Variants in DCUN1D4 observed in about 807,000 individuals in gnomAD.
The protein encoded by DCUN1D4 is DCN1-like protein 4.
A neutral mutation model predicts 47.9 loss-of-function variants in DCUN1D4; 22 were observed. That is an observed-to-expected ratio of 0.46 (90% CI 0.33 to 0.66). DCUN1D4 has a LOEUF of 0.66. Ranked by LOEUF, DCUN1D4 falls within the 30% of genes least tolerant of loss-of-function variation. The pLI is 0.02. For missense variants in DCUN1D4, 301 were observed against 340.8 expected (o/e 0.88, Z 0.92); for synonymous variants, 121 against 112.2 (o/e 1.08, Z -0.50).
At chr4:51,891,983 C>A in intron 7 of DCUN1D4, 132 bp downstream of exon 7, 1 of 672,772 alleles carries the variant, frequency 1.5e-6, no homozygotes, top group East Asian at 2.7e-5. Flanking sequence ...CCCCAGTGGC[C>A]AAAGATGTAA....
intron 4 of DCUN1D4, among the ~76,000 whole-genome samples, chr4:51,875,832 C>T (rs1727588214): frequency 6.6e-6 from 1 of 152,132 alleles, no homozygotes; most frequent in Non-Finnish European, 1.5e-5. Flanking sequence ...GTTGTATGCT[C>T]TTGGTTCTTT....
At chr4:51,837,419 G>C in the DCUN1D4 span, among the ~76,000 whole-genome samples, 1 of 151,994 alleles carries the variant, frequency 6.6e-6, no homozygotes, top group Non-Finnish European at 1.5e-5. Flanking sequence ...TGTAATCCCA[G>C]CACTTTGGGA....
chr4:51,857,158 G>A (rs1724263667), intron 1 of DCUN1D4, among the ~76,000 whole-genome samples: 1 of 152,192 alleles, frequency 6.6e-6, no homozygotes. Context: ...TGGGCAGTTA[G>A]TGAGACAACT....
intron 1 of DCUN1D4, among the ~76,000 whole-genome samples, chr4:51,854,676 G>A (rs1723863163): frequency 6.6e-6 from 1 of 152,202 alleles, no homozygotes; most frequent in Admixed American, 6.5e-5. Context: ...TCTGGTCTCA[G>A]TTCTGTCATT....
At chr4:51,860,626 A>G in intron 1 of DCUN1D4, 1 of 455,544 alleles carries the variant, frequency 2.2e-6, no homozygotes, top group South Asian at 1.5e-5. Context: ...GAGAGCAGGC[A>G]CACCACATGG....
At chr4:51,874,462 G>T (rs896053768) in intron 4 of DCUN1D4, 77 bp downstream of exon 4, 1 of 1,044,146 alleles carries the variant, frequency 9.6e-7, no homozygotes, top group Non-Finnish European at 1.4e-6. Context: ...TTCAGTGTGG[G>T]TCTTCTAAGT....
At chr4:51,867,647 T>A (rs1004703533) in intron 3 of DCUN1D4, among the ~76,000 whole-genome samples, 2 of 152,170 alleles carry the variant, frequency 1.3e-5, no homozygotes, top group African/African-American at 4.8e-5. Flanking sequence ...TGCCTGAGTC[T>A]GGCAGAGTCT....
intron 1 of DCUN1D4, among the ~76,000 whole-genome samples, chr4:51,847,240 T>C (rs1181285581): frequency 6.6e-6 from 1 of 152,216 alleles, no homozygotes; most frequent in East Asian, 1.9e-4. Flanking sequence ...ATTTTCTGCC[T>C]TATTCTAAAA....
chr4:51,853,721 C>T (rs1192792335), intron 1 of DCUN1D4, among the ~76,000 whole-genome samples: 2 of 152,174 alleles, frequency 1.3e-5, no homozygotes, highest in Non-Finnish European at 2.9e-5. Flanking sequence ...TTTCAGTCTT[C>T]TTAGGTGATT....
intron 7 of DCUN1D4, 152 bp downstream of exon 7, chr4:51,892,003 C>T: frequency 1.6e-6 from 1 of 610,674 alleles, no homozygotes; most frequent in East Asian, 2.9e-5. Flanking sequence ...AAGACTAAGA[C>T]CCATTTTGAG....
chr4:51,837,064 T>G, the DCUN1D4 span, among the ~76,000 whole-genome samples: 5 of 152,210 alleles, frequency 3.3e-5, no homozygotes, highest in African/African-American at 9.7e-5. Context: ...AAAAACACCA[T>G]AAAGGTCATG....
At position 51,860,829 on chromosome 4, in the gene DCUN1D4, T is replaced by G. The variant is rs1476289900; in HGVS notation, c.26-2608T>G. ...ATTACAGTTCAACATAAGACTTAGGTGGGGACATATCCAAACTATATCACC... is the reference window on the plus strand; with the variant it reads ...ATTACAGTTCAACATAAGACTTAGGGGGGGACATATCCAAACTATATCACC... On this transcript the variant is annotated intron_variant, in intron 1 of 10. Coordinates refer to ENST00000334635, the MANE Select transcript of DCUN1D4 (RefSeq NM_001040402.3). Among the ~76,000 whole-genome samples the G allele has an allele frequency of 2.0e-5, 3 of 152,148 alleles. No homozygotes were observed. The East Asian group carries it at 5.8e-4, about 29-fold the overall frequency.
intron 1 of DCUN1D4, among the ~76,000 whole-genome samples, chr4:51,854,802 G>A (rs1170596712): frequency 6.6e-6 from 1 of 152,156 alleles, no homozygotes; most frequent in Non-Finnish European, 1.5e-5. Context: ...GCTGTTGTAG[G>A]TACAGGTCAA....
intron 8 of DCUN1D4, among the ~76,000 whole-genome samples, chr4:51,901,834 C>T (rs918705146): frequency 1.2e-4 from 19 of 152,146 alleles, no homozygotes; most frequent in Non-Finnish European, 2.6e-4. Flanking sequence ...AGCCCTTTCA[C>T]ATAACAATAA....
intron 7 of DCUN1D4, among the ~76,000 whole-genome samples, chr4:51,895,469 A>G (rs1412092670): frequency 6.8e-6 from 1 of 147,764 alleles, no homozygotes; most frequent in African/African-American, 2.5e-5. Context: ...GGGAACATCT[A>G]TCCTTGCACT....
intron 9 of DCUN1D4, among the ~76,000 whole-genome samples, chr4:51,912,178 C>T (rs1733814109): frequency 6.6e-6 from 1 of 152,134 alleles, no homozygotes; most frequent in South Asian, 2.1e-4. Context: ...CTCTGACAAT[C>T]CCTTGAGATG....
Position 51,913,806 on chromosome 4 carries a change from G to C in DCUN1D4, c.*222G>C. 1 of 470,380 alleles carries C rather than the reference G, an allele frequency of 2.1e-6. No individual in the cohort carries two copies. The highest frequency in any genetic ancestry group is 3.1e-5 in the East Asian group (1 of 31,992). 29.1% of individuals were successfully genotyped at this position (470,380 alleles called of 1,614,324 possible). A position where few individuals can be genotyped will look rare whatever the true frequency, so the allele number is the denominator to read the frequency against. On this transcript the variant is annotated 3_prime_UTR_variant, in exon 11 of 11. Coordinates refer to ENST00000334635, the MANE Select transcript of DCUN1D4 (RefSeq NM_001040402.3). ...GTTTGTATTTACACTACAGATTGGT[G>C]AATTTGCCAACGTCCTCACTGTGAT...
In DCUN1D4 at chr4:51,843,178, T is replaced by A. The variant is rs934730331; in HGVS notation, c.-65T>A. The A allele has an allele frequency of 1.3e-6, 2 of 1,532,786 alleles. No homozygotes were observed. The highest frequency in any genetic ancestry group is 1.4e-5 in the African/African-American group (1 of 71,628). The allele number at this position is 1,532,786 out of a possible 1,614,324, so 94.9% of individuals were successfully genotyped here. On this transcript the variant is annotated 5_prime_UTR_variant, in exon 1 of 11. Transcript: ENST00000334635. ...AGCTTCGAGCCGAGGTGCAGTGAGC[T>A]GGTGGGGGGACCGCGAGGCGAGCGC...
intron 5 of DCUN1D4, among the ~76,000 whole-genome samples, chr4:51,878,832 G>A (rs1038293795): frequency 5.3e-5 from 8 of 152,058 alleles, no homozygotes; most frequent in African/African-American, 1.9e-4. Flanking sequence ...ACTTGTTTTG[G>A]TTCCCTTTTA....
Sources: gnomAD v4.1 joint callset for allele counts (sites outside exome capture counted in the v4.1 genomes callset) on GRCh38, gnomAD v4.1.1 for gene constraint, MANE v1.5 for transcripts, NCBI Gene and HGNC (gene_info 2026-07-23, HGNC 2026-07-21) for gene names.